The following ENTPD1 variants were observed in gnomAD, a reference collection of about 807,000 sequenced individuals.
The protein encoded by ENTPD1 is ATP diphosphohydrolase.
A neutral mutation model predicts 57.0 loss-of-function variants in ENTPD1; 33 were observed. The observed-to-expected ratio is 0.58, with a 90% CI of 0.44 to 0.77. The LOEUF is 0.77. Ranked by LOEUF, ENTPD1 falls within the 30% of genes least tolerant of loss-of-function variation. ENTPD1 has a pLI of 0.00. For synonymous variants in ENTPD1, 202 were observed against 218.8 expected (o/e 0.92, Z 0.68); for missense variants, 501 against 603.4 (o/e 0.83, Z 1.78).
At chr10:95,859,927 A>T (rs961150956) in intron 7 of ENTPD1, among the ~76,000 whole-genome samples, 25 of 152,170 alleles carry the variant, frequency 1.6e-4, no homozygotes, top group African/African-American at 5.8e-4. Context: ...TTTTTAAAAA[A>T]TTTCAGTTGT....
chr10:95,833,427 C>G (rs1293575716), intron 2 of ENTPD1: 1 of 152,172 alleles, frequency 6.6e-6, no homozygotes, highest in Non-Finnish European at 1.5e-5. Context: ...TGTAGCTAAT[C>G]TGGTTTGTTT....
chr10:95,702,000 A>G, the ENTPD1 span, among the ~76,000 whole-genome samples: 1 of 152,066 alleles, frequency 6.6e-6, no homozygotes, highest in Non-Finnish European at 1.5e-5. Flanking sequence ...TAATCTTACA[A>G]TTTAGTAAGC....
chr10:95,795,609 G>A (rs1240261778), intron 1 of ENTPD1, among the ~76,000 whole-genome samples: 1 of 152,126 alleles, frequency 6.6e-6, no homozygotes, highest in Non-Finnish European at 1.5e-5. Flanking sequence ...AGCTCACTGC[G>A]TCTTCATGTC....
chr10:95,752,550 G>C (rs1056969383), upstream of ENTPD1, among the ~76,000 whole-genome samples: 1 of 151,996 alleles, frequency 6.6e-6, no homozygotes, highest in African/African-American at 2.4e-5. Context: ...CCAGCTACTC[G>C]GGAGGCTGAG....
chr10:95,834,866 A>G (rs903211603), intron 2 of ENTPD1, among the ~76,000 whole-genome samples: 8 of 152,066 alleles, frequency 5.3e-5, no homozygotes, highest in Non-Finnish European at 1.0e-4. Context: ...AAGATCGGTT[A>G]TGATCTTCAT....
At position 95,823,218 on chromosome 10, in the gene ENTPD1, C is replaced by T. The variant is rs749013354; in HGVS notation, c.17-19C>T. On this transcript the variant is annotated intron_variant, in intron 1 of 9. Coordinates refer to ENST00000371205, the MANE Select transcript of ENTPD1 (RefSeq NM_001776.6). The stretch of plus-strand genomic sequence containing the variant: ...TTTGATTTCTTGTTGGTATTTTTTT[C>T]TTCTGCTTTTGGTTTTAGAGTCTAA... 5.6e-6 allele frequency: 9 copies of T among 1,613,378 alleles called. No homozygotes were observed. In the African/African-American group the frequency reaches 8.0e-5, roughly 14 times the overall value.
chr10:95,732,505 G>A (rs2097990301), intron 1 of ENTPD1, among the ~76,000 whole-genome samples: 1 of 152,174 alleles, frequency 6.6e-6, no homozygotes. Flanking sequence ...AAAATTTGTA[G>A]GGGCTGCTGG....
chr10:95,770,378 A>ATGC (rs1263346908), intron 1 of ENTPD1, among the ~76,000 whole-genome samples: 2 of 152,094 alleles, frequency 1.3e-5, no homozygotes, highest in East Asian at 1.9e-4. Flanking sequence ...ACTGGGTCTA[A>ATGC]TGCTGCTCAT....
At position 95,866,565 on chromosome 10, in the gene ENTPD1, A is replaced by G; in HGVS notation, c.*182A>G. ...GAGGTATTCAATATCCTTTGCCTCA[A>G]GGACTTCGGCAGATACTGTCTCTTT... is the stretch of plus-strand genomic sequence containing the variant. On this transcript the variant is annotated 3_prime_UTR_variant, in exon 10 of 10. Transcript: ENST00000371205. The G allele has an allele frequency of 2.0e-6, 3 of 1,468,326 alleles. No homozygotes were observed. The highest frequency in any genetic ancestry group is 2.7e-6 in the Non-Finnish European group (3 of 1,114,216). 91.0% of individuals were successfully genotyped at this position (1,468,326 alleles called of 1,614,324 possible). A position where few individuals can be genotyped will look rare whatever the true frequency, so the allele number is the denominator to read the frequency against.
At chr10:95,770,469 G>A (rs2098112274) in intron 1 of ENTPD1, among the ~76,000 whole-genome samples, 7 of 152,160 alleles carry the variant, frequency 4.6e-5, no homozygotes, top group Admixed American at 4.6e-4. Context: ...AGATTTCACA[G>A]GTAGAGGAAG....
intron 7 of ENTPD1, among the ~76,000 whole-genome samples, chr10:95,854,030 T>C (rs1210226719): frequency 2.0e-5 from 3 of 152,228 alleles, no homozygotes; most frequent in Admixed American, 1.3e-4. Context: ...CTTGTATCTC[T>C]GGTAGAATTC....
intron 1 of ENTPD1, among the ~76,000 whole-genome samples, chr10:95,731,613 G>T (rs1275869561): frequency 2.0e-5 from 3 of 151,984 alleles, no homozygotes; most frequent in African/African-American, 4.8e-5. Flanking sequence ...AGGAACTGGT[G>T]GATAAATTTC....
chr10:95,826,523 A>C (rs528539199), intron 2 of ENTPD1, among the ~76,000 whole-genome samples: 1 of 149,870 alleles, frequency 6.7e-6, no homozygotes, highest in Non-Finnish European at 1.5e-5. Context: ...CAGTGAGCCA[A>C]GATCTGCCAC....
the ENTPD1 span, among the ~76,000 whole-genome samples, chr10:95,694,343 G>T: frequency 1.3e-5 from 2 of 151,420 alleles, no homozygotes; most frequent in African/African-American, 4.9e-5. Context: ...TTCTATGGAA[G>T]AATAATGTTC....
chr10:95,851,953 G>A (rs1034697550), intron 7 of ENTPD1, among the ~76,000 whole-genome samples: 1 of 152,126 alleles, frequency 6.6e-6, no homozygotes, highest in Non-Finnish European at 1.5e-5. Flanking sequence ...CCAGTAATGG[G>A]ATGGCTGGGT....
chr10:95,749,880 A>T (rs936040220), intron 1 of ENTPD1, among the ~76,000 whole-genome samples: 3 of 152,208 alleles, frequency 2.0e-5, no homozygotes, highest in Admixed American at 6.5e-5. Flanking sequence ...CTGAATTATT[A>T]TAGTTTCTGG....
intron 1 of ENTPD1, among the ~76,000 whole-genome samples, chr10:95,768,580 A>G (rs77861535): frequency 6.9e-6 from 1 of 144,190 alleles, no homozygotes; most frequent in African/African-American, 2.6e-5. Context: ...GCATTCTGAG[A>G]CTATTTTCCT....
At chr10:95,737,015 T>TGAA (rs1390001260) in intron 1 of ENTPD1, among the ~76,000 whole-genome samples, 1 of 152,234 alleles carries the variant, frequency 6.6e-6, no homozygotes, top group Non-Finnish European at 1.5e-5. Flanking sequence ...TTGAGTCTAC[T>TGAA]GAAGTTGAAC....
chr10:95,793,718 A>G (rs571291039), intron 1 of ENTPD1, among the ~76,000 whole-genome samples: 2 of 152,272 alleles, frequency 1.3e-5, no homozygotes, highest in African/African-American at 4.8e-5. Context: ...GAATTGGATT[A>G]GAGAAACTAT....
Sources: gnomAD v4.1 joint callset for allele counts (sites outside exome capture counted in the v4.1 genomes callset) on GRCh38, gnomAD v4.1.1 for gene constraint, MANE v1.5 for transcripts, NCBI Gene and HGNC (gene_info 2026-07-23, HGNC 2026-07-21) for gene names.